Variants in DDX4 observed in about 807,000 individuals in gnomAD.
DDX4 encodes the protein DEAD-box helicase 4.
DDX4 carries 25 observed loss-of-function variants against 100.0 expected under a neutral mutation model. The observed-to-expected ratio is 0.25, with a 90% CI of 0.18 to 0.35. DDX4 has a LOEUF of 0.35. DDX4 is among the 10% of genes least tolerant of loss of function. The probability of loss-of-function intolerance (pLI) is 1.00; values close to 1 mark genes in which losing one functional copy is unlikely to be tolerated. For missense variants in DDX4, 635 were observed against 882.4 expected (o/e 0.72, Z 3.55); for synonymous variants, 259 against 275.7 (o/e 0.94, Z 0.60).
chr5:55,753,628 T>C (rs1182273719), intron 3 of DDX4, among the ~76,000 whole-genome samples: 6 of 150,968 alleles, frequency 4.0e-5, no homozygotes, highest in Admixed American at 2.7e-4. Context: ...TTTGTTCTTT[T>C]GGCTTAGGAT....
intron 7 of DDX4, among the ~76,000 whole-genome samples, chr5:55,778,893 CA>C (rs35427276): frequency 2.7e-5 from 4 of 147,246 alleles, no homozygotes; most frequent in African/African-American, 2.5e-5. Flanking sequence ...GACTTCGCCT[CA>C]AAAAAAAAAA....
chr5:55,777,232 G>A (rs1409660347), intron 7 of DDX4, among the ~76,000 whole-genome samples: 1 of 152,134 alleles, frequency 6.6e-6, no homozygotes, highest in Non-Finnish European at 1.5e-5. Context: ...TCTGTAAAGA[G>A]AAAACACAAA....
At chr5:55,784,493 C>T (rs867093486) in intron 10 of DDX4, among the ~76,000 whole-genome samples, 2 of 152,202 alleles carry the variant, frequency 1.3e-5, no homozygotes, top group Non-Finnish European at 1.5e-5. Context: ...CTGGGTATCC[C>T]TTAATCTGGT....
At position 55,792,682 on chromosome 5, in the gene DDX4, T is replaced by C; in HGVS notation, c.1344T>C (p.Ala448=). Residue 448 remains alanine (A), a synonymous_variant, in exon 17 of 22, where the codon GCT becomes GCC. Transcript: ENST00000505374. The part of the protein sequence containing the change: ...KQIKYLVLDE[A]DRMLDMGFGP... ...TCAAATACTTAGTTTTGGATGAAGC[T>C]GATCGCATGTTGGATATGGGTTTTG... 1 of 1,597,382 alleles carries C rather than the reference T, an allele frequency of 6.3e-7. No individual in the cohort carries two copies. Among genetic ancestry groups the C allele is most frequent in the Non-Finnish European group, 8.5e-7 (1 of 1,170,374 alleles).
intron 18 of DDX4, among the ~76,000 whole-genome samples, chr5:55,811,885 G>A (rs1297423437): frequency 6.6e-6 from 1 of 152,108 alleles, no homozygotes; most frequent in African/African-American, 2.4e-5. Context: ...TAAACATCAT[G>A]AAGGAATAAT....
intron 5 of DDX4, among the ~76,000 whole-genome samples, chr5:55,763,557 TAAA>T (rs889460744): frequency 6.6e-6 from 1 of 152,082 alleles, no homozygotes; most frequent in African/African-American, 2.4e-5. Flanking sequence ...GACGACTTTT[TAAA>T]AAAGAGTAAA....
intron 4 of DDX4, among the ~76,000 whole-genome samples, chr5:55,760,771 CAG>C (rs1217120309): frequency 1.8e-4 from 28 of 152,132 alleles, no homozygotes; most frequent in Non-Finnish European, 4.4e-5. Flanking sequence ...CCTGATATGA[CAG>C]ATAATGACAC....
intron 6 of DDX4, chr5:55,766,791 A>G (rs1027499166): frequency 2.0e-5 from 19 of 951,194 alleles, no homozygotes; most frequent in Non-Finnish European, 2.4e-5. Flanking sequence ...AATGATATGT[A>G]CAAAGATCCC....
In DDX4 at chr5:55,740,625, C is replaced by T. The variant is rs532404929; in HGVS notation, c.69+1593C>T. On this transcript the variant is annotated intron_variant, in intron 2 of 21. Transcript: ENST00000505374. ...GGTTCAAGCGATTTTCCTGCCTCAG[C>T]CTCCCAAGTAGCTGGGACTACACGT... 9.2e-5 allele frequency among the ~76,000 whole-genome samples: 14 copies of T among 151,632 alleles called. No homozygotes were observed. In the South Asian group the frequency reaches 2.7e-3, roughly 29 times the overall value.
At chr5:55,750,327 C>T (rs1344276552) in intron 3 of DDX4, 1 of 154,194 alleles carries the variant, frequency 6.5e-6, no homozygotes, top group East Asian at 1.9e-4. Flanking sequence ...ATGTAACAAA[C>T]CTTTGATAAT....
At chr5:55,813,570 G>C (rs1744234700) in intron 18 of DDX4, 103 bp from the exon 19 acceptor site, 1 of 1,410,784 alleles carries the variant, frequency 7.1e-7, no homozygotes, top group Non-Finnish European at 9.3e-7. Flanking sequence ...AGTAAATACA[G>C]TGGTGGACAA....
chr5:55,798,705 T>C (rs909814391), intron 18 of DDX4, 134 bp downstream of exon 18: 3 of 708,552 alleles, frequency 4.2e-6, no homozygotes, highest in South Asian at 9.2e-5. Context: ...AAAGCTCTTT[T>C]ATAAAAAATT....
At chr5:55,760,702 T>C (rs1280446066) in intron 4 of DDX4, among the ~76,000 whole-genome samples, 2 of 152,162 alleles carry the variant, frequency 1.3e-5, no homozygotes, top group Non-Finnish European at 2.9e-5. Flanking sequence ...TTAGTATTAA[T>C]TTTTTAAGAG....
At chr5:55,766,007 C>T (rs1375474492) in intron 6 of DDX4, among the ~76,000 whole-genome samples, 16 of 143,120 alleles carry the variant, frequency 1.1e-4, no homozygotes, top group African/African-American at 4.2e-4. Context: ...TTAGTAGAGA[C>T]GGGGTTTCGT....
chr5:55,749,942 G>A (rs1759451706), intron 3 of DDX4, among the ~76,000 whole-genome samples: 1 of 149,014 alleles, frequency 6.7e-6, no homozygotes, highest in African/African-American at 2.5e-5. Flanking sequence ...ATACCAAAAT[G>A]TCAGTTTCTG....
chr5:55,759,023 G>T (rs899655532), intron 3 of DDX4, among the ~76,000 whole-genome samples: 28 of 151,562 alleles, frequency 1.8e-4, no homozygotes, highest in Admixed American at 1.2e-3. Context: ...TAAATAGCTG[G>T]GTCTACAGGT....
intron 6 of DDX4, chr5:55,766,996 ATC>A (rs1190013275): frequency 2.9e-5 from 45 of 1,529,552 alleles, no homozygotes; most frequent in Non-Finnish European, 3.5e-5. Flanking sequence ...CAGTATAGTA[ATC>A]TCTCATACTA....
intron 17 of DDX4, among the ~76,000 whole-genome samples, chr5:55,793,056 T>TGTG: frequency 7.3e-6 from 1 of 136,436 alleles, no homozygotes; most frequent in Non-Finnish European, 1.6e-5. Context: ...GTGTGTGTGT[T>TGTG]TGTGTGTGTT....
chr5:55,775,942 A>G (rs1741534803), intron 7 of DDX4, among the ~76,000 whole-genome samples: 1 of 152,046 alleles, frequency 6.6e-6, no homozygotes, highest in South Asian at 2.1e-4. Flanking sequence ...CCAACATGTT[A>G]AAACCCCGTC....
Sources: gnomAD v4.1 joint callset for allele counts (sites outside exome capture counted in the v4.1 genomes callset) on GRCh38, gnomAD v4.1.1 for gene constraint, MANE v1.5 for transcripts, NCBI Gene and HGNC (gene_info 2026-07-23, HGNC 2026-07-21) for gene names.